FRMPD1: variants seen among roughly 807,000 people sequenced by gnomAD.
FRMPD1 encodes the protein FERM and PDZ domain containing 1.
FRMPD1 carries 76 observed loss-of-function variants against 117.8 expected under a neutral mutation model. The observed-to-expected ratio is 0.65, with a 90% confidence interval of 0.54 to 0.78. The LOEUF is 0.78. Ranked by LOEUF, FRMPD1 falls within the 30% of genes least tolerant of loss-of-function variation. The pLI is 0.00. For missense variants in FRMPD1, 1,786 were observed against 1,964.5 expected (o/e 0.91, Z 1.72); for synonymous variants, 783 against 770.4 (o/e 1.02, Z -0.27).
chr9:37,675,446 G>C (rs7023496), intron 1 of FRMPD1, among the ~76,000 whole-genome samples: 94,506 of 150,528 alleles, frequency 0.63, 31,379 homozygotes, highest in African/African-American at 0.86. Flanking sequence ...ACAAATCATG[G>C]TGGCCTGAAT....
chr9:37,627,972 T>C, the FRMPD1 span, among the ~76,000 whole-genome samples: 1 of 152,206 alleles, frequency 6.6e-6, no homozygotes, highest in Non-Finnish European at 1.5e-5. Flanking sequence ...AAAGGACATG[T>C]ATTAGGTGCT....
At chr9:37,620,084 T>C in the FRMPD1 span, among the ~76,000 whole-genome samples, 2 of 152,144 alleles carry the variant, frequency 1.3e-5, no homozygotes, top group Non-Finnish European at 2.9e-5. Context: ...GCTAAAAGTT[T>C]CACTAACACA....
At chr9:37,614,158 C>A in the FRMPD1 span, among the ~76,000 whole-genome samples, 4 of 152,078 alleles carry the variant, frequency 2.6e-5, no homozygotes, top group Admixed American at 2.0e-4. Flanking sequence ...GATGGGGTAG[C>A]AATTATGGAA....
Position 37,732,352 on chromosome 9 carries a change from A to G in FRMPD1, c.907A>G (p.Ser303Gly). The G allele has an allele frequency of 6.2e-7, 1 of 1,613,902 alleles. No individual in the cohort carries two copies. ...QERFAVEMKC[S>G]SALRLAALHI... ...GCGCTTTGCTGTAGAAATGAAATGTAGCTCTGCACTCCGACTCGCGGCTCT... is the reference window on the plus strand; with the variant it reads ...GCGCTTTGCTGTAGAAATGAAATGTGGCTCTGCACTCCGACTCGCGGCTCT... Residue 303 changes from serine (S) to glycine (G), a missense_variant, in exon 10 of 16, where the codon AGC becomes GGC. Coordinates refer to ENST00000377765, the MANE Select transcript of FRMPD1 (RefSeq NM_014907.3).
rs532277822 is a variant in FRMPD1 at position 37,697,267 on chromosome 9, C to G, written c.101+4525C>G. Among the ~76,000 whole-genome samples, 51 of 152,216 alleles carry G rather than the reference C, an allele frequency of 3.4e-4. 2 individuals carry two copies. Among genetic ancestry groups the G allele is most frequent in the Admixed American group, 3.1e-3 (47 of 15,296 alleles). ...GTTACCACTCGATTTCATATTCCAA[C>G]GGAAAAATAACATTTACAGTATCAA... On this transcript the variant is annotated intron_variant, in intron 2 of 15. Transcript: ENST00000377765.
the FRMPD1 span, among the ~76,000 whole-genome samples, chr9:37,622,326 A>G: frequency 1.3e-5 from 2 of 152,186 alleles, no homozygotes; most frequent in Non-Finnish European, 2.9e-5. Context: ...AGCCGCAATG[A>G]ATTACCAACA....
rs546869116 is a variant in FRMPD1, at chr9:37,689,835, A to G, written c.-4-2803A>G. Among the ~76,000 whole-genome samples the G allele has an allele frequency of 2.0e-3, 309 of 152,290 alleles. 2 individuals are homozygous for G. Among genetic ancestry groups the G allele is most frequent in the African/African-American group, 7.0e-3 (291 of 41,576 alleles). ...TTCCCTAAAAAATTTGAGAACTTCA[A>G]TGGCTCCCAGCTTCCATTGTTATTA... On this transcript the variant is annotated intron_variant, in intron 1 of 15. Coordinates refer to ENST00000377765, the MANE Select transcript of FRMPD1 (RefSeq NM_014907.3).
At position 37,740,399 on chromosome 9, in the gene FRMPD1, G is replaced by A; in HGVS notation, c.1871G>A (p.Arg624Lys). The change falls in exon 15 of 16, where the codon AGG (arginine) becomes AAG (lysine). Residue 624 changes from arginine (R) to lysine (K), a missense_variant. Physicochemically the swap from Arg to Lys is conservative, Grantham distance 26. Coordinates refer to ENST00000377765, the MANE Select transcript of FRMPD1 (RefSeq NM_014907.3). This position sits in a 1 kb window ranked among gnomAD's most constrained non-coding sequence, Gnocchi z 4.2. ...GACTTAGACACCTGCTCCTCCAGCA[G>A]GTCCACCTTCTTCCACTTTGGCTCG... ...EDDLDTCSSS[R>K]STFFHFGSPG... 6.2e-7 allele frequency: 1 copy of A among 1,614,034 alleles called. No homozygotes were observed. Among genetic ancestry groups the A allele is most frequent in the South Asian group, 1.1e-5 (1 of 91,078 alleles).
intron 1 of FRMPD1, among the ~76,000 whole-genome samples, chr9:37,659,933 A>C (rs1471196737): frequency 7.3e-6 from 1 of 136,852 alleles, no homozygotes; most frequent in Non-Finnish European, 1.5e-5. Context: ...AAAAAAAAAA[A>C]ACAAAACTGA....
chr9:37,740,756 C>T lies in FRMPD1; in HGVS notation c.2228C>T (p.Thr743Ile), dbSNP rs377403631. The change falls in exon 15 of 16, where the codon ACT (threonine) becomes ATT (isoleucine). Residue 743 changes from threonine (T) to isoleucine (I), a missense_variant. By Grantham distance (89) the Thr-to-Ile change is moderately conservative. Transcript: ENST00000377765. This position sits in a 1 kb window ranked among gnomAD's most constrained non-coding sequence, Gnocchi z 4.2. ...APPAWGQQGWTEAQPSSMLEP... is the reference protein window; with the variant it reads ...APPAWGQQGWIEAQPSSMLEP... ...CCAGCCTGGGGTCAGCAGGGCTGGACTGAGGCCCAGCCCAGTTCCATGCTG... is the reference window on the plus strand; with the variant it reads ...CCAGCCTGGGGTCAGCAGGGCTGGATTGAGGCCCAGCCCAGTTCCATGCTG... 6.4e-5 allele frequency: 103 copies of T among 1,614,052 alleles called. No homozygotes were observed. The highest frequency in any genetic ancestry group is 8.6e-5 in the Non-Finnish European group (101 of 1,180,010).
chr9:37,672,057 A>G (rs780572860), intron 1 of FRMPD1, among the ~76,000 whole-genome samples: 7 of 152,212 alleles, frequency 4.6e-5, no homozygotes, highest in Non-Finnish European at 8.8e-5. Flanking sequence ...ACTGGGGGGA[A>G]ATGGACTGCT....
At chr9:37,619,954 T>C in the FRMPD1 span, among the ~76,000 whole-genome samples, 1 of 151,836 alleles carries the variant, frequency 6.6e-6, no homozygotes, top group East Asian at 1.9e-4. Flanking sequence ...GATTCATTTG[T>C]TTCTATCCTC....
chr9:37,605,319 G>A, the FRMPD1 span, among the ~76,000 whole-genome samples: 567 of 152,324 alleles, frequency 3.7e-3, 2 homozygotes, highest in African/African-American at 0.013. Context: ...GTCAGTCCCT[G>A]AGGGCTGGCA....
chr9:37,646,706 C>T (rs1824147102), upstream of FRMPD1, among the ~76,000 whole-genome samples: 2 of 152,204 alleles, frequency 1.3e-5, no homozygotes, highest in Admixed American at 6.5e-5. Context: ...AGAACAGAAA[C>T]TTGTCCTAAA....
At chr9:37,655,797 C>A (rs973158486) in intron 1 of FRMPD1, among the ~76,000 whole-genome samples, 2 of 152,120 alleles carry the variant, frequency 1.3e-5, no homozygotes, top group African/African-American at 4.8e-5. Context: ...GTCCCCGTGC[C>A]CAGCCTCCCA....
rs1475674891 is a variant in FRMPD1, at chr9:37,731,013, C to A, written c.768C>A (p.Tyr256Ter). Residue 256 changes from tyrosine to a stop codon, truncating the protein, a stop_gained, in exon 9 of 16, where the codon TAC becomes TAA. Coordinates refer to ENST00000377765, the MANE Select transcript of FRMPD1 (RefSeq NM_014907.3). LOFTEE classifies it high-confidence loss of function. The stretch of plus-strand genomic sequence containing the variant: ...TAGAAAGGGAGGAGTCACATGACTA[C>A]CGCTGCCTCTTCAGGGTCTGTTTTG... ...QVVEREESHD[Y>*]RCLFRVCFVP... 6.2e-7 allele frequency: 1 copy of A among 1,613,568 alleles called. No homozygotes were observed. The highest frequency in any genetic ancestry group is 8.5e-7 in the Non-Finnish European group (1 of 1,179,618).
Position 37,740,435 on chromosome 9 carries a change from C to T in FRMPD1, c.1907C>T (p.Ala636Val). The T allele has an allele frequency of 6.2e-7, 1 of 1,614,184 alleles. No individual in the cohort carries two copies. The change falls in exon 15 of 16, where the codon GCA becomes GTA. Residue 636 changes from alanine to valine, a missense_variant. Coordinates refer to ENST00000377765, the MANE Select transcript of FRMPD1 (RefSeq NM_014907.3). This position sits in a 1 kb window ranked among gnomAD's most constrained non-coding sequence, Gnocchi z 4.2. Reference sequence around the variant, plus strand: ...TTCCACTTTGGCTCGCCAGGCCTCGCAGAGAGCATTGACTCTGACAGCCAG... The same window carrying T: ...TTCCACTTTGGCTCGCCAGGCCTCGTAGAGAGCATTGACTCTGACAGCCAG... ...TFFHFGSPGL[A>V]ESIDSDSQEE...
At chr9:37,724,348 T>C in intron 7 of FRMPD1, 28 bp downstream of exon 7, 1 of 1,229,044 alleles carries the variant, frequency 8.1e-7, no homozygotes, top group South Asian at 1.2e-5. Context: ...GAACTTCTTT[T>C]CCCAAGAAGA....
At chr9:37,665,051 T>C (rs1041330429) in intron 1 of FRMPD1, among the ~76,000 whole-genome samples, 3 of 152,146 alleles carry the variant, frequency 2.0e-5, no homozygotes, top group African/African-American at 7.2e-5. Context: ...TATCCAGCAA[T>C]AGGGACTTAG....
Sources: allele counts gnomAD v4.1 joint callset (sites outside exome capture counted in the v4.1 genomes callset), GRCh38; gene constraint gnomAD v4.1.1; non-coding constraint Gnocchi (gnomAD v3.1); transcripts MANE v1.5; gene names NCBI Gene and HGNC (gene_info 2026-07-23, HGNC 2026-07-21).